Variants in HNRNPLL observed in about 807,000 individuals in gnomAD.
HNRNPLL encodes the protein heterogeneous nuclear ribonucleoprotein L like, also known as heterogeneous nuclear ribonucleoprotein L-like.
A neutral mutation model predicts 67.1 loss-of-function variants in HNRNPLL; 25 were observed. The observed-to-expected ratio is 0.37, with a 90% CI of 0.27 to 0.52. The LOEUF is 0.52. Ranked by LOEUF, HNRNPLL falls within the 20% of genes least tolerant of loss-of-function variation. The pLI is 0.90. For missense variants in HNRNPLL, 542 were observed against 673.9 expected (o/e 0.80, Z 2.17); for synonymous variants, 267 against 241.7 (o/e 1.10, Z -0.97).
At chr2:38,565,941 T>C (rs1053901224) in intron 12 of HNRNPLL, 2 of 775,256 alleles carry the variant, frequency 2.6e-6, no homozygotes, top group African/African-American at 1.9e-5. Context: ...AAATTTCAGA[T>C]GTTATTCCAG....
Position 38,569,268 on chromosome 2 carries a change from G to A in HNRNPLL, c.1281C>T (p.Tyr427=), listed in dbSNP as rs547173141. Residue 427 remains tyrosine, a synonymous_variant, in exon 10 of 13, where the codon TAC becomes TAT. Transcript: ENST00000449105. ...IFELEDGTSS[Y]KDFAMSKNNR... ...TATTTTTGCTCATTGCAAAATCTTT[G>A]TAGCTGCTGGTACCATCCTCCAGCT... The A allele has an allele frequency of 1.2e-6, 2 of 1,613,216 alleles. No individual in the cohort carries two copies. Among genetic ancestry groups the A allele is most frequent in the African/African-American group, 2.7e-5 (2 of 74,978 alleles).
At chr2:38,588,879 T>C (rs1236667937) in intron 2 of HNRNPLL, among the ~76,000 whole-genome samples, 1 of 151,926 alleles carries the variant, frequency 6.6e-6, no homozygotes, top group Non-Finnish European at 1.5e-5. Flanking sequence ...CGAGAAACAG[T>C]GGGAGATCAC....
chr2:38,569,170 T>C lies in HNRNPLL; in HGVS notation c.1379A>G (p.Asn460Ser). Reference protein sequence around the residue: ...QPPSCVLHYYNVPLCVTEETF... With the variant: ...QPPSCVLHYYSVPLCVTEETF... ...CTCTTCTGTGACACACAATGGAACA[T>C]TATAATAATGCAAAACACAGGAGGG... The change falls in exon 10 of 13, where the codon AAT (asparagine) becomes AGT (serine). Residue 460 changes from asparagine (N) to serine (S), a missense_variant. Transcript: ENST00000449105. The C allele has an allele frequency of 6.2e-7, 1 of 1,612,874 alleles. No homozygotes were observed. The highest frequency in any genetic ancestry group is 8.5e-7 in the Non-Finnish European group (1 of 1,178,932).
At chr2:38,567,538 T>G (rs1665917663) in intron 12 of HNRNPLL, among the ~76,000 whole-genome samples, 1 of 152,176 alleles carries the variant, frequency 6.6e-6, no homozygotes, top group South Asian at 2.1e-4. Flanking sequence ...CTGTCTGAGT[T>G]TTCTAAACAT....
At chr2:38,594,412 T>G (rs763921212) in intron 1 of HNRNPLL, among the ~76,000 whole-genome samples, 31 of 152,098 alleles carry the variant, frequency 2.0e-4, no homozygotes, top group Non-Finnish European at 3.8e-4. Context: ...TATTTAGGCA[T>G]GAAATGTCAT....
Position 38,583,856 on chromosome 2 carries a change from A to G in HNRNPLL, c.617T>C (p.Ile206Thr). The G allele has an allele frequency of 6.5e-7, 1 of 1,526,892 alleles. No homozygotes were observed. The highest frequency in any genetic ancestry group is 9.0e-7 in the Non-Finnish European group (1 of 1,109,836). 94.6% of individuals were successfully genotyped at this position (1,526,892 alleles called of 1,614,324 possible). ...QRIVIFKRNGIQAMVEFESVL... is the reference protein window; with the variant it reads ...QRIVIFKRNGTQAMVEFESVL... ...TAAAGGATATTCAACCATTGCTTGTATCCCATTTCTCTTGAATATAACAAT... is the reference window on the plus strand; with the variant it reads ...TAAAGGATATTCAACCATTGCTTGTGTCCCATTTCTCTTGAATATAACAAT... The change falls in exon 4 of 13, where the codon ATA becomes ACA. Residue 206 changes from isoleucine to threonine, a missense_variant. Ile to Thr is a moderately conservative substitution (Grantham distance 89). Coordinates refer to ENST00000449105, the MANE Select transcript of HNRNPLL (RefSeq NM_138394.4).
intron 7 of HNRNPLL, among the ~76,000 whole-genome samples, chr2:38,574,931 A>C (rs1666242623): frequency 6.6e-6 from 1 of 151,832 alleles, no homozygotes; most frequent in Non-Finnish European, 1.5e-5. Flanking sequence ...CCTATTGCAA[A>C]AGTACATATA....
rs1665758186 is a variant in HNRNPLL, at chr2:38,564,150, G to A, written c.*32C>T. On this transcript the variant is annotated 3_prime_UTR_variant, in exon 13 of 13. Transcript: ENST00000449105. ...GTGTAGCTTTGAAATTGTAATAAAGGTGAACATAAATTCTAACATGCTCTT... is the reference window on the plus strand; with the variant it reads ...GTGTAGCTTTGAAATTGTAATAAAGATGAACATAAATTCTAACATGCTCTT... The A allele has an allele frequency of 7.7e-7, 1 of 1,294,922 alleles. No individual in the cohort carries two copies. The highest frequency in any genetic ancestry group is 1.1e-6 in the Non-Finnish European group (1 of 894,890). 80.2% of individuals were successfully genotyped at this position (1,294,922 alleles called of 1,614,324 possible).
intron 7 of HNRNPLL, among the ~76,000 whole-genome samples, chr2:38,576,090 A>G (rs1666290672): frequency 6.6e-6 from 1 of 151,734 alleles, no homozygotes. Context: ...TGTTTATACT[A>G]TTTTTCGGTA....
intron 2 of HNRNPLL, among the ~76,000 whole-genome samples, chr2:38,588,676 C>G (rs1180301429): frequency 1.3e-5 from 2 of 150,790 alleles, no homozygotes; most frequent in African/African-American, 2.4e-5. Context: ...TGCCAATATT[C>G]AATATAAAAA....
intron 1 of HNRNPLL, among the ~76,000 whole-genome samples, chr2:38,591,902 G>A (rs140269433): frequency 0.015 from 2,235 of 152,160 alleles, 26 homozygotes; most frequent in South Asian, 0.062. Flanking sequence ...CTTGAATCCG[G>A]GAGGTGGAGG....
rs752130689 is a variant in HNRNPLL at position 38,602,875 on chromosome 2, C to T, written c.-249G>A. On this transcript the variant is annotated 5_prime_UTR_variant, in exon 1 of 13. Transcript: ENST00000449105. ...CAATTACCGAGCCAACATTCAGCCT[C>T]TCCCTCCTCCTCCTCCGTCTCCGCT... 43 of 1,548,960 alleles carry T rather than the reference C, an allele frequency of 2.8e-5. No individual in the cohort carries two copies. The highest frequency in any genetic ancestry group is 2.0e-4 in the Admixed American group (10 of 50,914).
At chr2:38,568,167 T>C in intron 12 of HNRNPLL, 32 bp downstream of exon 12, 1 of 1,364,738 alleles carries the variant, frequency 7.3e-7, no homozygotes, top group Non-Finnish European at 1.0e-6. Flanking sequence ...TGCCACTACA[T>C]AATTACAACA....
chr2:38,591,681 AT>A, intron 1 of HNRNPLL, 33 bp from the exon 2 acceptor site: 1 of 1,480,864 alleles, frequency 6.8e-7, no homozygotes, highest in Non-Finnish European at 9.4e-7. Flanking sequence ...AGTTAAAAAA[AT>A]TTTAAGTCTA....
intron 10 of HNRNPLL, among the ~76,000 whole-genome samples, chr2:38,568,820 A>G (rs935478716): frequency 6.6e-6 from 1 of 152,150 alleles, no homozygotes; most frequent in African/African-American, 2.4e-5. Context: ...CAATATGGAT[A>G]GAGAAAATTT....
At chr2:38,567,676 T>C (rs1412349029) in intron 12 of HNRNPLL, among the ~76,000 whole-genome samples, 2 of 152,182 alleles carry the variant, frequency 1.3e-5, no homozygotes, top group Non-Finnish European at 2.9e-5. Flanking sequence ...CTGTTTGGTC[T>C]CTGTGACCAA....
At position 38,576,653 on chromosome 2, in the gene HNRNPLL, A is replaced by G. The variant is rs557299144; in HGVS notation, c.874+808T>C. 2.0e-5 allele frequency among the ~76,000 whole-genome samples: 3 copies of G among 151,964 alleles called. No individual in the cohort carries two copies. The South Asian group carries it at 6.2e-4, about 31-fold the overall frequency. ...GGTCATTAAAGTAAGTATGTAGGCAATTTGAACCATTTAGGACAATAGGCA... is the reference window on the plus strand; with the variant it reads ...GGTCATTAAAGTAAGTATGTAGGCAGTTTGAACCATTTAGGACAATAGGCA... On this transcript the variant is annotated intron_variant, in intron 7 of 12. Transcript: ENST00000449105.
Position 38,563,185 on chromosome 2 carries a change from C to A in HNRNPLL, c.*997G>T, listed in dbSNP as rs554234546. On this transcript the variant is annotated 3_prime_UTR_variant, in exon 13 of 13. Coordinates refer to ENST00000449105, the MANE Select transcript of HNRNPLL (RefSeq NM_138394.4). Reference sequence around the variant, plus strand: ...TCTTAAAAAGAAAAAAAAAACAGATCCAGTGGGAGAAAGAATGTTTAATAA... The same window carrying A: ...TCTTAAAAAGAAAAAAAAAACAGATACAGTGGGAGAAAGAATGTTTAATAA... The A allele has an allele frequency of 2.7e-4, 41 of 151,510 alleles. No homozygotes were observed. Among genetic ancestry groups the A allele is most frequent in the African/African-American group, 9.9e-4 (41 of 41,358 alleles). 9.4% of individuals were successfully genotyped at this position (151,510 alleles called of 1,614,324 possible). A position where few individuals can be genotyped will look rare whatever the true frequency, so the allele number is the denominator to read the frequency against.
At chr2:38,600,114 A>T (rs1667364711) in intron 1 of HNRNPLL, 1 of 199,366 alleles carries the variant, frequency 5.0e-6, no homozygotes, top group Non-Finnish European at 1.1e-5. Flanking sequence ...AAATAGTACC[A>T]AAAATTACAT....
Sources: allele counts gnomAD v4.1 joint callset (sites outside exome capture counted in the v4.1 genomes callset), GRCh38; gene constraint gnomAD v4.1.1; transcripts MANE v1.5; gene names NCBI Gene and HGNC (gene_info 2026-07-23, HGNC 2026-07-21).